Variants in AFDN observed in about 807,000 individuals in gnomAD.
AFDN encodes afadin.
A neutral mutation model predicts 216.6 loss-of-function variants in AFDN; 68 were observed. That is an observed-to-expected ratio of 0.31 (90% CI 0.26 to 0.38). The LOEUF is 0.38. Ranked by LOEUF, AFDN falls within the 10% of genes least tolerant of loss-of-function variation. AFDN has a pLI of 1.00. For synonymous variants in AFDN, 868 were observed against 853.7 expected, an observed-to-expected ratio of 1.02 and a Z score of -0.29; for missense variants, 2,136 against 2,342.0, an observed-to-expected ratio of 0.91 and a Z score of 1.82.
chr6:167,936,932 T>G (rs888597074), intron 23 of AFDN, among the ~76,000 whole-genome samples: 1 of 152,238 alleles, frequency 6.6e-6, no homozygotes, highest in African/African-American at 2.4e-5. Flanking sequence ...CTAATTTTGT[T>G]TTGCTAAGAT....
At chr6:167,848,332 T>C (rs1419823374) in intron 1 of AFDN, among the ~76,000 whole-genome samples, 1 of 152,174 alleles carries the variant, frequency 6.6e-6, no homozygotes, top group Non-Finnish European at 1.5e-5. Context: ...GTCCAGAAAG[T>C]TTAAGGAATT....
chr6:167,848,178 G>C (rs749168370), intron 1 of AFDN, among the ~76,000 whole-genome samples: 14 of 152,122 alleles, frequency 9.2e-5, no homozygotes, highest in South Asian at 2.1e-4. Flanking sequence ...GAGTTTATTC[G>C]TAACTATCAT....
At position 167,914,280 on chromosome 6, in the gene AFDN, A is replaced by G. The variant is rs1311590450; in HGVS notation, c.2171A>G (p.Asp724Gly). ...AGTCGGATCACACTGGATGCTCAAG[A>G]TGTTTTAGCACATTTGGTTCAAATG... ...DLSRITLDAQ[D>G]VLAHLVQMAF... Residue 724 changes from aspartate to glycine, a missense_variant, in exon 17 of 34, where the codon GAT (aspartate) becomes GGT (glycine). This residue lies in a region of AFDN where 817 missense variants were observed against 965.7 expected (regional missense o/e 0.85). Coordinates refer to ENST00000683244, the MANE Select transcript of AFDN (RefSeq NM_001386888.1). 3.1e-6 allele frequency: 5 copies of G among 1,614,002 alleles called. No individual in the cohort carries two copies.
intron 12 of AFDN, 109 bp downstream of exon 12, chr6:167,902,495 A>G: frequency 3.9e-6 from 3 of 772,010 alleles, no homozygotes; most frequent in South Asian, 1.6e-5. Context: ...GATGTGTTCC[A>G]AGACCACCAG....
intron 1 of AFDN, among the ~76,000 whole-genome samples, chr6:167,845,763 A>C (rs1781600035): frequency 6.6e-6 from 1 of 152,180 alleles, no homozygotes; most frequent in Non-Finnish European, 1.5e-5. Context: ...TTATTTTTTA[A>C]AACCCAAAAT....
intron 23 of AFDN, among the ~76,000 whole-genome samples, chr6:167,931,649 A>G (rs1429069952): frequency 6.6e-6 from 1 of 152,034 alleles, no homozygotes; most frequent in Non-Finnish European, 1.5e-5. Context: ...AAGTCATCTA[A>G]TACATACACA....
Position 167,917,082 on chromosome 6 carries a change from T to TA in AFDN, c.2566-6dup. ...TGATATTTTATGTCCTTTATTCTTT[T>TA]ACATAGGCAACGACTTTGCTTACCA... On this transcript the variant is annotated splice_polypyrimidine_tract_variant and splice_region_variant and intron_variant, in intron 19 of 33. Coordinates refer to ENST00000683244, the MANE Select transcript of AFDN (RefSeq NM_001386888.1). The TA allele has an allele frequency of 6.2e-7, 1 of 1,611,890 alleles. No individual in the cohort carries two copies. The highest frequency in any genetic ancestry group is 8.5e-7 in the Non-Finnish European group (1 of 1,178,898).
chr6:167,896,619 T>C (rs1383535902), intron 9 of AFDN, among the ~76,000 whole-genome samples: 1 of 152,234 alleles, frequency 6.6e-6, no homozygotes, highest in Non-Finnish European at 1.5e-5. Context: ...AGAAGCCTTT[T>C]TCAATGTAAT....
intron 2 of AFDN, 95 bp downstream of exon 2, chr6:167,864,841 T>C (rs770062733): frequency 1.1e-5 from 13 of 1,235,516 alleles, no homozygotes; most frequent in African/African-American, 1.5e-5. Context: ...GGTTTACTGC[T>C]CGTCTCCATC....
chr6:167,927,914 A>AG (rs1404378225), intron 23 of AFDN, among the ~76,000 whole-genome samples: 5 of 152,214 alleles, frequency 3.3e-5, no homozygotes, highest in Admixed American at 3.3e-4. Context: ...TCAGGAAAAA[A>AG]TCAGAATCAC....
At chr6:167,948,091 T>C (rs1376541069) in intron 28 of AFDN, 147 bp downstream of exon 28, 10 of 761,998 alleles carry the variant, frequency 1.3e-5, no homozygotes, top group East Asian at 1.1e-4. Context: ...TTTTGATTTT[T>C]AATATACTAG....
chr6:167,862,002 A>G (rs1037461946), intron 1 of AFDN, among the ~76,000 whole-genome samples: 14 of 152,164 alleles, frequency 9.2e-5, no homozygotes, highest in African/African-American at 3.4e-4. Flanking sequence ...TATTTTAGAG[A>G]CTATTAGGTT....
At chr6:167,888,599 T>C (rs1787169025) in intron 6 of AFDN, among the ~76,000 whole-genome samples, 1 of 152,148 alleles carries the variant, frequency 6.6e-6, no homozygotes, top group African/African-American at 2.4e-5. Flanking sequence ...CTAGTAAAAA[T>C]GTAATAAAAA....
chr6:167,939,286 CAT>C (rs1794398435), intron 23 of AFDN, among the ~76,000 whole-genome samples: 1 of 152,082 alleles, frequency 6.6e-6, no homozygotes, highest in Admixed American at 6.5e-5. Context: ...AAGATAATGC[CAT>C]GTGAAAATGT....
chr6:167,840,740 G>T (rs1780976289), intron 1 of AFDN, among the ~76,000 whole-genome samples: 1 of 152,244 alleles, frequency 6.6e-6, no homozygotes, highest in African/African-American at 2.4e-5. Flanking sequence ...CCAGTTGCCA[G>T]TTATGAAACC....
At chr6:167,890,489 A>G (rs563732517) in intron 7 of AFDN, among the ~76,000 whole-genome samples, 108 of 152,118 alleles carry the variant, frequency 7.1e-4, no homozygotes, top group Non-Finnish European at 8.2e-4. Context: ...GTACATTTTT[A>G]TATGTGTATT....
At chr6:167,969,732 A>C in intron 33 of AFDN, 50 bp from the exon 34 acceptor site, 3 of 1,544,920 alleles carry the variant, frequency 1.9e-6, no homozygotes, top group Non-Finnish European at 2.6e-6. Flanking sequence ...AATTGTTGAC[A>C]GGTTGTTTCT....
intron 12 of AFDN, among the ~76,000 whole-genome samples, chr6:167,906,852 T>C (rs1789753019): frequency 6.6e-6 from 1 of 152,248 alleles, no homozygotes; most frequent in South Asian, 2.1e-4. Context: ...AATAACTTGT[T>C]GGAATCGAAT....
At position 167,966,604 on chromosome 6, in the gene AFDN, C is replaced by A. The variant is rs542778642; in HGVS notation, c.5257+559C>A. On this transcript the variant is annotated intron_variant, in intron 32 of 33. Transcript: ENST00000683244. Reference sequence around the variant, plus strand: ...CTTGGCTTTCATTTTCTCTCTCTACCAATGATCTTCTATTTGTTTGAACAA... The same window carrying A: ...CTTGGCTTTCATTTTCTCTCTCTACAAATGATCTTCTATTTGTTTGAACAA... Among the ~76,000 whole-genome samples, 29 of 152,330 alleles carry A rather than the reference C, an allele frequency of 1.9e-4. No individual in the cohort carries two copies. In the South Asian group the frequency reaches 3.9e-3, roughly 21 times the overall value.
Sources: gnomAD v4.1 joint callset for allele counts (sites outside exome capture counted in the v4.1 genomes callset) on GRCh38, gnomAD v4.1.1 for gene constraint, gnomAD v4.1.1 regional missense constraint, MANE v1.5 for transcripts, NCBI Gene and HGNC (gene_info 2026-07-23, HGNC 2026-07-21) for gene names.